The following PRKCD variants were observed in gnomAD, a reference collection of about 807,000 sequenced individuals.
PRKCD encodes the protein protein kinase C delta.
In PRKCD, 20 loss-of-function variants were observed where a neutral mutation model predicts 82.2. The observed-to-expected ratio is 0.24, with a 90% CI of 0.17 to 0.35. The LOEUF (loss-of-function observed/expected upper bound fraction) is 0.35, where lower values mean the gene tolerates loss of function less well. Ranked by LOEUF, PRKCD falls within the 10% of genes least tolerant of loss-of-function variation. PRKCD has a pLI of 1.00. For missense variants in PRKCD, 607 were observed against 899.0 expected, an observed-to-expected ratio of 0.68 and a Z score of 4.15; for synonymous variants, 317 against 337.0, an observed-to-expected ratio of 0.94 and a Z score of 0.65.
intron 7 of PRKCD, 128 bp downstream of exon 7, chr3:53,181,860 T>C: frequency 1.5e-6 from 2 of 1,352,308 alleles, no homozygotes; most frequent in Non-Finnish European, 2.1e-6. Context: ...CCAGTGTAGA[T>C]ACAGCAGCTG....
intron 15 of PRKCD, among the ~76,000 whole-genome samples, chr3:53,188,421 G>T (rs1255540129): frequency 2.0e-5 from 3 of 152,066 alleles, no homozygotes; most frequent in Non-Finnish European, 4.4e-5. Context: ...TGAACCTGGG[G>T]GTCACTTCTG....
At chr3:53,162,549 G>A (rs1397116548) in intron 1 of PRKCD, among the ~76,000 whole-genome samples, 5 of 152,230 alleles carry the variant, frequency 3.3e-5, no homozygotes, top group Admixed American at 6.5e-5. Context: ...GTCTGTCACT[G>A]TGGGACTTGC....
At chr3:53,180,799 G>A (rs920369320) in intron 4 of PRKCD, among the ~76,000 whole-genome samples, 8 of 152,318 alleles carry the variant, frequency 5.3e-5, no homozygotes, top group African/African-American at 1.7e-4. Flanking sequence ...CACAGAGGGA[G>A]GAGCAGCGTG....
chr3:53,183,050 A>G, intron 7 of PRKCD, 71 bp from the exon 8 acceptor site: 1 of 1,501,152 alleles, frequency 6.7e-7, no homozygotes, highest in Non-Finnish European at 9.3e-7. Flanking sequence ...ACTGGTCGGC[A>G]GGCACCAGCT....
chr3:53,184,705 A>C (rs1249020289), intron 9 of PRKCD, among the ~76,000 whole-genome samples, 169 bp from the exon 10 acceptor site: 1 of 150,544 alleles, frequency 6.6e-6, no homozygotes, highest in African/African-American at 2.4e-5. Flanking sequence ...AGAGAGAGAG[A>C]GAGATCGAAG....
Position 53,169,529 on chromosome 3 carries a change from G to GGCAGA in PRKCD, c.-20+4324_-20+4328dup, listed in dbSNP as rs1279605542. On this transcript the variant is annotated intron_variant, in intron 2 of 18. Coordinates refer to ENST00000330452, the MANE Select transcript of PRKCD (RefSeq NM_006254.4). The surrounding 1 kb of genome is among the most constrained non-coding windows in gnomAD (Gnocchi z 4.7). ...TGTCTATGGCCGTGTTGGGTAAACAGGCAGAGCAGAGCAGGCAGTCGCCAA... is the reference window on the plus strand; with the variant it reads ...TGTCTATGGCCGTGTTGGGTAAACAGGCAGAGCAGAGCAGAGCAGGCAGTCGCCAA... Among the ~76,000 whole-genome samples the GGCAGA allele has an allele frequency of 1.3e-5, 2 of 152,220 alleles. No individual in the cohort carries two copies. The highest frequency in any genetic ancestry group is 2.9e-5 in the Non-Finnish European group (2 of 68,044).
chr3:53,189,669 G>C (rs561467413), intron 17 of PRKCD, among the ~76,000 whole-genome samples: 1 of 152,212 alleles, frequency 6.6e-6, no homozygotes, highest in Non-Finnish European at 1.5e-5. Flanking sequence ...CAGCAGAGTC[G>C]CAGATGTCCA....
intron 2 of PRKCD, among the ~76,000 whole-genome samples, chr3:53,170,609 ACTTT>A (rs1431933851): frequency 6.6e-6 from 1 of 152,220 alleles, no homozygotes; most frequent in Non-Finnish European, 1.5e-5. Context: ...ATCAAGAGGG[ACTTT>A]CTTCGTCTCC....
At position 53,182,988 on chromosome 3, in the gene PRKCD, G is replaced by C. The variant is rs752403737; in HGVS notation, c.572-133G>C. The C allele has an allele frequency of 8.5e-6, 7 of 828,268 alleles. No homozygotes were observed. The Admixed American group carries it at 1.5e-4, about 18-fold the overall frequency. 51.3% of individuals were successfully genotyped at this position (828,268 alleles called of 1,614,324 possible). On this transcript the variant is annotated intron_variant, in intron 7 of 18. Transcript: ENST00000330452. ...GAAGACTCAAGCGCTGGGCCTCTGC[G>C]GGGTGAGGGTGTGGGCGGTCAGGAG... is the stretch of plus-strand genomic sequence containing the variant.
chr3:53,178,346 C>G, intron 2 of PRKCD, 58 bp from the exon 3 acceptor site: 1 of 1,195,794 alleles, frequency 8.4e-7, no homozygotes, highest in South Asian at 1.3e-5. Flanking sequence ...GAGTGCTGCC[C>G]GTGACTGTTC....
At position 53,188,824 on chromosome 3, in the gene PRKCD, C is replaced by T; in HGVS notation, c.1520C>T (p.Thr507Ile). ...ATATTCGGGGAGAGCCGGGCCAGCA[C>T]CTTCTGCGGCACCCCTGACTATATC... ...ENIFGESRAS[T>I]FCGTPDYIAP... Residue 507 changes from threonine to isoleucine, a missense_variant, in exon 16 of 19, where the codon ACC becomes ATC. This residue lies in a region of PRKCD where 251 missense variants were observed against 423.9 expected (regional missense o/e 0.59). Transcript: ENST00000330452. 1 of 1,614,194 alleles carries T rather than the reference C, an allele frequency of 6.2e-7. No homozygotes were observed.
intron 7 of PRKCD, 191 bp downstream of exon 7, chr3:53,181,923 C>G: frequency 2.4e-6 from 2 of 820,976 alleles, no homozygotes; most frequent in Non-Finnish European, 2.0e-6. Flanking sequence ...ACCAGTTCTG[C>G]GCATCTCTTC....
At chr3:53,179,361 G>A (rs1703335270) in intron 3 of PRKCD, 1 of 699,644 alleles carries the variant, frequency 1.4e-6, no homozygotes, top group East Asian at 2.6e-5. Flanking sequence ...TGGAGCAAGA[G>A]GATCAGAGGA....
chr3:53,186,796 A>T (rs1553669283), intron 14 of PRKCD, 101 bp downstream of exon 14: 1 of 1,235,670 alleles, frequency 8.1e-7, no homozygotes. Flanking sequence ...CCCTCTCCCT[A>T]GAAAAGCCAG....
intron 2 of PRKCD, among the ~76,000 whole-genome samples, chr3:53,172,691 T>C (rs1238619618): frequency 3.3e-5 from 5 of 152,226 alleles, no homozygotes; most frequent in African/African-American, 1.2e-4. Flanking sequence ...CAGACCGCCC[T>C]ATACCCACCA....
intron 2 of PRKCD, 33 bp from the exon 3 acceptor site, chr3:53,178,371 C>T (rs924762248): frequency 3.5e-5 from 52 of 1,505,068 alleles, no homozygotes; most frequent in Admixed American, 5.2e-5. Context: ...TGGTCCCGCC[C>T]GGCCGCCTGG....
At chr3:53,183,416 C>A in intron 8 of PRKCD, 36 bp from the exon 9 acceptor site, 1 of 1,611,722 alleles carries the variant, frequency 6.2e-7, no homozygotes, top group Non-Finnish European at 8.5e-7. Context: ...CTGGAGCTGG[C>A]ACGTGACCCT....
intron 7 of PRKCD, chr3:53,181,957 G>C (rs782763249): frequency 1.4e-6 from 1 of 728,556 alleles, no homozygotes; most frequent in Non-Finnish European, 2.4e-6. Flanking sequence ...CAGTGACGGG[G>C]AGTTGGTGGA....
intron 2 of PRKCD, among the ~76,000 whole-genome samples, chr3:53,172,711 A>G (rs1703079850): frequency 6.6e-6 from 1 of 152,212 alleles, no homozygotes; most frequent in African/African-American, 2.4e-5. Context: ...AGGGGCTGCA[A>G]CTGGTCTTTC....
Sources: gnomAD v4.1 joint callset for allele counts (sites outside exome capture counted in the v4.1 genomes callset) on GRCh38, gnomAD v4.1.1 for gene constraint, gnomAD v4.1.1 regional missense constraint, Gnocchi (gnomAD v3.1) non-coding constraint, MANE v1.5 for transcripts, NCBI Gene and HGNC (gene_info 2026-07-23, HGNC 2026-07-21) for gene names.